The following RASA2 variants were observed in gnomAD, a reference collection of about 807,000 sequenced individuals.
RASA2 encodes the protein ras GTPase-activating protein 2.
In RASA2, 155 loss-of-function variants were observed where a neutral mutation model predicts 118.2. The ratio of observed to expected loss-of-function variants is 1.31; its 90% CI spans 1.15 to 1.50. The LOEUF is 1.50. Ranked by LOEUF, RASA2 falls within the 40% of genes most tolerant of loss-of-function variation. The probability of loss-of-function intolerance (pLI) is 0.00; values close to 1 mark genes in which losing one functional copy is unlikely to be tolerated. For missense variants in RASA2, 1,016 were observed against 1,009.6 expected (o/e 1.01, Z -0.09); for synonymous variants, 353 against 349.1 (o/e 1.01, Z -0.12).
chr3:141,555,699 TCCAAGCAA>T, intron 6 of RASA2, 133 bp from the exon 7 acceptor site: 1 of 641,776 alleles, frequency 1.6e-6, no homozygotes, highest in Admixed American at 3.1e-5. Flanking sequence ...GTTACTTTTT[TCCAAGCAA>T]TATTTAAAAC....
intron 2 of RASA2, among the ~76,000 whole-genome samples, chr3:141,515,898 C>CAAA (rs35995449): frequency 1.9e-5 from 2 of 102,626 alleles, no homozygotes; most frequent in East Asian, 3.2e-4. Flanking sequence ...GACTCTGTCT[C>CAAA]AAAAAAAAAA....
At chr3:141,556,951 A>T (rs922558764) in intron 7 of RASA2, among the ~76,000 whole-genome samples, 1 of 152,188 alleles carries the variant, frequency 6.6e-6, no homozygotes, top group Non-Finnish European at 1.5e-5. Context: ...TTCCTGGCTA[A>T]GGACTTGGTG....
chr3:141,570,384 T>A (rs1476666329), intron 9 of RASA2, among the ~76,000 whole-genome samples: 1 of 151,978 alleles, frequency 6.6e-6, no homozygotes, highest in Non-Finnish European at 1.5e-5. Context: ...CATGCCGGAC[T>A]GATTTTTGTA....
intron 19 of RASA2, among the ~76,000 whole-genome samples, chr3:141,599,401 A>G (rs144020226): frequency 1.3e-3 from 200 of 152,198 alleles, no homozygotes; most frequent in Non-Finnish European, 1.0e-3. Flanking sequence ...GACAAACAGG[A>G]CACCCTCTCA....
intron 16 of RASA2, 124 bp downstream of exon 16, chr3:141,580,575 C>G (rs2083097268): frequency 6.2e-6 from 4 of 642,604 alleles, no homozygotes; most frequent in East Asian, 3.0e-5. Context: ...CACACACACA[C>G]ACAGACACAA....
chr3:141,505,028 G>T (rs1409912490), intron 1 of RASA2, among the ~76,000 whole-genome samples: 1 of 152,034 alleles, frequency 6.6e-6, no homozygotes, highest in Non-Finnish European at 1.5e-5. Context: ...TAATTGAAAG[G>T]CCTTCCCTGC....
intron 1 of RASA2, among the ~76,000 whole-genome samples, chr3:141,495,113 A>C (rs968338065): frequency 2.0e-5 from 3 of 152,266 alleles, no homozygotes; most frequent in African/African-American, 4.8e-5. Flanking sequence ...TGTGTATAAC[A>C]CTGAATTCTT....
chr3:141,587,713 CAAAAAAA>C (rs1156964232), intron 19 of RASA2, among the ~76,000 whole-genome samples: 7 of 55,846 alleles, frequency 1.3e-4, no homozygotes, highest in Non-Finnish European at 2.0e-4. Flanking sequence ...GACTCCATCT[CAAAAAAA>C]AAAAAAAAAA....
chr3:141,594,380 A>G (rs2083333221), intron 19 of RASA2, among the ~76,000 whole-genome samples: 1 of 152,088 alleles, frequency 6.6e-6, no homozygotes, highest in Non-Finnish European at 1.5e-5. Context: ...TTTTGAAGAA[A>G]TAATGGCCTA....
intron 5 of RASA2, among the ~76,000 whole-genome samples, chr3:141,552,948 T>G (rs2082595705): frequency 6.6e-6 from 1 of 152,186 alleles, no homozygotes; most frequent in African/African-American, 2.4e-5. Flanking sequence ...AACTCAGTAA[T>G]ATTTAGTGAG....
intron 10 of RASA2, 87 bp downstream of exon 10, chr3:141,571,155 A>G: frequency 7.2e-7 from 1 of 1,379,360 alleles, no homozygotes; most frequent in Non-Finnish European, 9.7e-7. Context: ...CAAGAGTATC[A>G]AGTCTTATTA....
At chr3:141,572,071 C>A (rs1447888767) in intron 11 of RASA2, among the ~76,000 whole-genome samples, 1 of 146,216 alleles carries the variant, frequency 6.8e-6, no homozygotes, top group Non-Finnish European at 1.5e-5. Context: ...TACACACACA[C>A]ACACACATAT....
rs545924554 is a variant in RASA2 at position 141,611,530 on chromosome 3, A to G, written c.2520-753A>G. On this transcript the variant is annotated intron_variant, in intron 23 of 23. Transcript: ENST00000286364. ...CCACAGTGAACACTCATTGATCCTCAAATCAGCCCAACTTGGTTTTATCCT... is the reference window on the plus strand; with the variant it reads ...CCACAGTGAACACTCATTGATCCTCGAATCAGCCCAACTTGGTTTTATCCT... 3.9e-5 allele frequency among the ~76,000 whole-genome samples: 6 copies of G among 152,100 alleles called. No individual in the cohort carries two copies. The East Asian group carries it at 1.2e-3, about 29-fold the overall frequency.
At chr3:141,525,561 T>C (rs1036899658) in intron 3 of RASA2, among the ~76,000 whole-genome samples, 3 of 152,002 alleles carry the variant, frequency 2.0e-5, no homozygotes, top group African/African-American at 7.3e-5. Context: ...ACCCCAGCAC[T>C]TTGGGAGGCC....
At chr3:141,560,839 T>C (rs2082720125) in intron 9 of RASA2, among the ~76,000 whole-genome samples, 1 of 151,844 alleles carries the variant, frequency 6.6e-6, no homozygotes, top group African/African-American at 2.4e-5. Context: ...CAAAGAGGAG[T>C]GTTTAGGTGT....
chr3:141,572,540 C>G lies in RASA2; in HGVS notation c.1170-69C>G, dbSNP rs1577762284. 30 of 1,098,154 alleles carry G rather than the reference C, an allele frequency of 2.7e-5. No individual in the cohort carries two copies. The East Asian group carries it at 7.3e-4, about 27-fold the overall frequency. 68.0% of individuals were successfully genotyped at this position (1,098,154 alleles called of 1,614,324 possible). On this transcript the variant is annotated intron_variant, in intron 11 of 23. Transcript: ENST00000286364. ...CTAAATGCTTCTTTCTTAAATTGGT[C>G]AAGTATGTTATATTATTGGTTTCAA...
intron 9 of RASA2, among the ~76,000 whole-genome samples, chr3:141,561,674 A>G (rs1447472736): frequency 6.6e-6 from 1 of 152,218 alleles, no homozygotes; most frequent in African/African-American, 2.4e-5. Context: ...TCAAGAAAAG[A>G]TTTATTTACC....
chr3:141,550,811 T>G (rs1382528196), intron 5 of RASA2, among the ~76,000 whole-genome samples: 1 of 152,130 alleles, frequency 6.6e-6, no homozygotes, highest in Non-Finnish European at 1.5e-5. Flanking sequence ...GAGCCGAGAT[T>G]GCGCCACTGC....
intron 19 of RASA2, among the ~76,000 whole-genome samples, chr3:141,597,572 C>A (rs919920506): frequency 6.6e-6 from 1 of 152,070 alleles, no homozygotes; most frequent in Non-Finnish European, 1.5e-5. Context: ...ACAAACAAAC[C>A]TTCATTTGTA....
Sources: allele counts gnomAD v4.1 joint callset (sites outside exome capture counted in the v4.1 genomes callset), GRCh38; gene constraint gnomAD v4.1.1; transcripts MANE v1.5; gene names NCBI Gene and HGNC (gene_info 2026-07-23, HGNC 2026-07-21).